PRMT7: variants seen among roughly 807,000 people sequenced by gnomAD.
The protein encoded by PRMT7 is protein arginine N-methyltransferase 7.
PRMT7 carries 75 observed loss-of-function variants against 85.4 expected under a neutral mutation model. The observed-to-expected ratio is 0.88, with a 90% confidence interval of 0.73 to 1.06. The LOEUF (loss-of-function observed/expected upper bound fraction) is 1.06, where lower values mean the gene tolerates loss of function less well. Ranked by LOEUF, PRMT7 falls within the 50% of genes least tolerant of loss-of-function variation. The pLI is 0.00. For synonymous variants in PRMT7, 397 were observed against 359.5 expected (o/e 1.10, Z -1.18); for missense variants, 868 against 915.2 (o/e 0.95, Z 0.67).
At position 68,324,737 on chromosome 16, in the gene PRMT7, G is replaced by A; in HGVS notation, c.187G>A (p.Gly63Arg). ...TGCCGTGAGCAGGGTGAAGGACAGA[G>A]GACAGAAGGCCTTGGTTCTCGACAT... ...RAAVSRVKDR[G>R]QKALVLDIGT... The change falls in exon 5 of 19, where the codon GGA (glycine) becomes AGA (arginine). Residue 63 changes from glycine to arginine, a missense_variant. By Grantham distance (125) the Gly-to-Arg change is moderately radical (BLOSUM62 -2). Coordinates refer to ENST00000441236, the MANE Select transcript of PRMT7 (RefSeq NM_019023.5). 1 of 1,614,116 alleles carries A rather than the reference G, an allele frequency of 6.2e-7. No individual in the cohort carries two copies. The highest frequency in any genetic ancestry group is 8.5e-7 in the Non-Finnish European group (1 of 1,180,008).
Position 68,357,337 on chromosome 16 carries a change from G to A in PRMT7, c.*113G>A, listed in dbSNP as rs1787067148. ...CTCTCTGGGAGCTGCTCGGCCTCAG[G>A]GATGGGAAAGACTGCGCCGTGTTGC... On this transcript the variant is annotated 3_prime_UTR_variant, in exon 19 of 19. Coordinates refer to ENST00000441236, the MANE Select transcript of PRMT7 (RefSeq NM_019023.5). The A allele has an allele frequency of 1.7e-6, 2 of 1,185,124 alleles. No individual in the cohort carries two copies. Among genetic ancestry groups the A allele is most frequent in the Admixed American group, 5.1e-5 (2 of 39,144 alleles). The allele number at this position is 1,185,124 out of a possible 1,614,324, so 73.4% of individuals were successfully genotyped here.
At position 68,352,260 on chromosome 16, in the gene PRMT7, C is replaced by T; in HGVS notation, c.1426C>T (p.Leu476=). 6.2e-7 allele frequency: 1 copy of T among 1,613,316 alleles called. No individual in the cohort carries two copies. The highest frequency in any genetic ancestry group is 8.5e-7 in the Non-Finnish European group (1 of 1,179,960). The change falls in exon 15 of 19, where the codon CTG becomes TTG. Residue 476 remains leucine, a synonymous_variant. Coordinates refer to ENST00000441236, the MANE Select transcript of PRMT7 (RefSeq NM_019023.5). ...GCCCATTCACCAGGTCTCTCTCCTC[C>T]TGGGCGAGCCGTTCTTCACTACCAG... ...DLQGRKVSLL[L]GEPFFTTSLL...
In PRMT7 at chr16:68,357,184, ACAT is replaced by A; in HGVS notation, c.2046_2048del (p.Ile682del). On this transcript the variant is annotated inframe_deletion, in exon 19 of 19. Coordinates refer to ENST00000441236, the MANE Select transcript of PRMT7 (RefSeq NM_019023.5). ...GTGGAGTTTCACCCCGACACAGGCGACATCATCATGGAGTTCAGGCATGCAGAT... is the reference window on the plus strand; with the variant it reads ...GTGGAGTTTCACCCCGACACAGGCGACATCATGGAGTTCAGGCATGCAGAT... 1 of 1,613,972 alleles carries A rather than the reference ACAT, an allele frequency of 6.2e-7. No homozygotes were observed. Among genetic ancestry groups the A allele is most frequent in the Non-Finnish European group, 8.5e-7 (1 of 1,179,994 alleles).
At chr16:68,352,956 A>C (rs985400669) in intron 15 of PRMT7, among the ~76,000 whole-genome samples, 3 of 152,186 alleles carry the variant, frequency 2.0e-5, no homozygotes, top group Non-Finnish European at 2.9e-5. Flanking sequence ...CCATCACTGA[A>C]AGTCTGGGCA....
rs1000797096 is a variant in PRMT7 at position 68,357,320 on chromosome 16, G to A, written c.*96G>A. 110 of 1,331,870 alleles carry A rather than the reference G, an allele frequency of 8.3e-5. No individual in the cohort carries two copies. Among genetic ancestry groups the A allele is most frequent in the Non-Finnish European group, 1.1e-4 (104 of 971,926 alleles). 82.5% of individuals were successfully genotyped at this position (1,331,870 alleles called of 1,614,324 possible). A position where few individuals can be genotyped will look rare whatever the true frequency, so the allele number is the denominator to read the frequency against. ...CTGAAGGCCCTCCTCTCCTCTCTGG[G>A]AGCTGCTCGGCCTCAGGGATGGGAA... On this transcript the variant is annotated 3_prime_UTR_variant, in exon 19 of 19. Coordinates refer to ENST00000441236, the MANE Select transcript of PRMT7 (RefSeq NM_019023.5).
At chr16:68,334,937 C>T (rs537027576) in intron 6 of PRMT7, among the ~76,000 whole-genome samples, 6 of 152,114 alleles carry the variant, frequency 3.9e-5, no homozygotes, top group Non-Finnish European at 8.8e-5. Flanking sequence ...GCTGGGACTA[C>T]AGGCGCGTGC....
In PRMT7 at chr16:68,346,956, G is replaced by T. The variant is rs188640069; in HGVS notation, c.1192-255G>T. Among the ~76,000 whole-genome samples the T allele has an allele frequency of 9.7e-3, 1,370 of 141,710 alleles. 11 individuals carry two copies. The highest frequency in any genetic ancestry group is 0.014 in the Non-Finnish European group (939 of 65,240). The allele number at this position is 141,710 out of a possible 152,430, so 93.0% of individuals were successfully genotyped here. ...GTTGTCATGGACTGGAAGGTGGCCT[G>T]CAGGTGGTGCAGGCCTTCAGCGGGG... On this transcript the variant is annotated intron_variant, in intron 11 of 18. Coordinates refer to ENST00000441236, the MANE Select transcript of PRMT7 (RefSeq NM_019023.5).
At chr16:68,342,048 T>G (rs1030979514) in intron 9 of PRMT7, among the ~76,000 whole-genome samples, 1 of 152,024 alleles carries the variant, frequency 6.6e-6, no homozygotes, top group Non-Finnish European at 1.5e-5. Flanking sequence ...GAGCCCCAGG[T>G]GGGTGGATCA....
intron 4 of PRMT7, chr16:68,323,586 A>G (rs529821730): frequency 2.6e-5 from 4 of 152,280 alleles, no homozygotes; most frequent in East Asian, 3.9e-4. Flanking sequence ...TCTTTTGCCT[A>G]TCAGTTTAGA....
intron 3 of PRMT7, 29 bp from the exon 4 acceptor site, chr16:68,321,397 C>A: frequency 6.3e-7 from 1 of 1,577,418 alleles, no homozygotes; most frequent in South Asian, 1.1e-5. Context: ...GTGTATCATG[C>A]AAAGGTTACT....
chr16:68,333,441 A>G (rs369991339), intron 6 of PRMT7, among the ~76,000 whole-genome samples: 2 of 151,030 alleles, frequency 1.3e-5, no homozygotes, highest in South Asian at 4.2e-4. Context: ...AGATTGCGCT[A>G]TTGCACTTCA....
chr16:68,316,126 A>C, intron 3 of PRMT7, 52 bp downstream of exon 3: 8 of 1,470,366 alleles, frequency 5.4e-6, no homozygotes, highest in African/African-American at 1.4e-5. Context: ...CTTGATCTCA[A>C]AGCAGATGCC....
chr16:68,327,140 G>A (rs2083221837), intron 5 of PRMT7, among the ~76,000 whole-genome samples: 1 of 152,106 alleles, frequency 6.6e-6, no homozygotes, highest in African/African-American at 2.4e-5. Context: ...TACTCTTTAC[G>A]AAAGGATACA....
In PRMT7 at chr16:68,331,790, A is replaced by G. The variant is rs532954855; in HGVS notation, c.391+2616A>G. ...TGCCTGGCCTCATTTTTGATATTGT[A>G]TTTTTTAATCTCTGAAAGTTCCACT... On this transcript the variant is annotated intron_variant, in intron 6 of 18. Coordinates refer to ENST00000441236, the MANE Select transcript of PRMT7 (RefSeq NM_019023.5). Among the ~76,000 whole-genome samples, 53 of 152,106 alleles carry G rather than the reference A, an allele frequency of 3.5e-4. No homozygotes were observed. In the South Asian group the frequency reaches 0.01, roughly 29 times the overall value.
At chr16:68,336,876 C>T (rs1256163423) in intron 6 of PRMT7, among the ~76,000 whole-genome samples, 1 of 152,188 alleles carries the variant, frequency 6.6e-6, no homozygotes, top group Non-Finnish European at 1.5e-5. Context: ...CCTCAGCCTC[C>T]TGGGTAGCTG....
chr16:68,329,478 A>G (rs2083555141), intron 6 of PRMT7: 1 of 227,028 alleles, frequency 4.4e-6, no homozygotes, highest in Admixed American at 5.0e-5. Flanking sequence ...ACTACCAATA[A>G]TTACGCCTTG....
At chr16:68,325,201 A>G (rs1193518378) in intron 5 of PRMT7, among the ~76,000 whole-genome samples, 1 of 151,958 alleles carries the variant, frequency 6.6e-6, no homozygotes, top group Non-Finnish European at 1.5e-5. Context: ...CTACAGAAAA[A>G]CTTTTAAATA....
In PRMT7 at chr16:68,315,990, T is replaced by A. The variant is rs762489148; in HGVS notation, c.11T>A (p.Phe4Tyr). The change falls in exon 3 of 19, where the codon TTC becomes TAC. Residue 4 changes from phenylalanine (F) to tyrosine (Y), a missense_variant. Physicochemically the swap from Phe to Tyr is conservative, Grantham distance 22 (BLOSUM62 3). Transcript: ENST00000441236. ...GAGCTAGTGGGCACCATGAAGATCT[T>A]CTGCAGTCGGGCCAATCCGACCACG... Reference protein sequence around the residue: MKIFCSRANPTTGS... With the variant: MKIYCSRANPTTGS... 2.5e-6 allele frequency: 4 copies of A among 1,613,610 alleles called. No individual in the cohort carries two copies. Among genetic ancestry groups the A allele is most frequent in the Middle Eastern group, 1.7e-4 (1 of 6,060 alleles).
intron 4 of PRMT7, among the ~76,000 whole-genome samples, chr16:68,322,749 A>C (rs890622245): frequency 1.3e-5 from 2 of 152,120 alleles, no homozygotes; most frequent in African/African-American, 2.4e-5. Flanking sequence ...TAAATAAAAC[A>C]AGGCCAGGCA....
Sources: gnomAD v4.1 joint callset for allele counts (sites outside exome capture counted in the v4.1 genomes callset) on GRCh38, gnomAD v4.1.1 for gene constraint, MANE v1.5 for transcripts, NCBI Gene and HGNC (gene_info 2026-07-23, HGNC 2026-07-21) for gene names.